The following HERC1 variants were observed in gnomAD, a reference collection of about 807,000 sequenced individuals.
HERC1 encodes the protein HECT and RLD domain containing E3 ubiquitin protein ligase family member 1.
HERC1 carries 160 observed loss-of-function variants against 554.3 expected under a neutral mutation model. The observed-to-expected ratio is 0.29, with a 90% CI of 0.25 to 0.33. The LOEUF (loss-of-function observed/expected upper bound fraction) is 0.33. Among genes scored for constraint, HERC1 ranks in the 10% least tolerant of loss-of-function variants. HERC1 has a pLI of 1.00. For missense variants in HERC1, 4,919 were observed against 5,918.5 expected (o/e 0.83, Z 5.54); for synonymous variants, 2,175 against 2,131.7 (o/e 1.02, Z -0.56).
intron 37 of HERC1, 118 bp from the exon 38 acceptor site, chr15:63,675,235 T>C: frequency 1.3e-6 from 1 of 766,510 alleles, no homozygotes; most frequent in Non-Finnish European, 2.0e-6. Context: ...GAGAATAATT[T>C]ACACAAACTA....
chr15:63,716,224 C>T (rs2073548540), intron 22 of HERC1, 78 bp downstream of exon 22: 5 of 1,327,688 alleles, frequency 3.8e-6, no homozygotes, highest in Admixed American at 2.3e-5. Context: ...AGAAACTTTG[C>T]CTTTCTCTTT....
chr15:63,821,181 G>C (rs747830803), intron 1 of HERC1, among the ~76,000 whole-genome samples: 18 of 152,080 alleles, frequency 1.2e-4, no homozygotes, highest in Non-Finnish European at 2.2e-4. Context: ...CAGCACTTTG[G>C]GAGGCTGGGG....
chr15:63,635,905 A>C, intron 65 of HERC1, 56 bp downstream of exon 65: 1 of 1,539,292 alleles, frequency 6.5e-7, no homozygotes, highest in Non-Finnish European at 8.9e-7. Flanking sequence ...TAAGAAACCT[A>C]TTCAACAACT....
chr15:63,729,192 C>T, intron 16 of HERC1, 44 bp downstream of exon 16: 2 of 1,537,770 alleles, frequency 1.3e-6, no homozygotes, highest in African/African-American at 2.8e-5. Context: ...AGTGTTCTTA[C>T]TTCTTAATGA....
intron 1 of HERC1, among the ~76,000 whole-genome samples, chr15:63,807,545 T>C (rs2077173568): frequency 6.6e-6 from 1 of 152,178 alleles, no homozygotes; most frequent in Non-Finnish European, 1.5e-5. Flanking sequence ...GACAATACTC[T>C]GCTGCTCTCC....
In HERC1 at chr15:63,656,365, G is replaced by A; in HGVS notation, c.9600-7C>T. 1.2e-6 allele frequency: 2 copies of A among 1,601,880 alleles called. No individual in the cohort carries two copies. Among genetic ancestry groups the A allele is most frequent in the Non-Finnish European group, 1.7e-6 (2 of 1,172,282 alleles). On this transcript the variant is annotated splice_polypyrimidine_tract_variant and splice_region_variant and intron_variant, in intron 48 of 77. Coordinates refer to ENST00000443617, the MANE Select transcript of HERC1 (RefSeq NM_003922.4). The stretch of plus-strand genomic sequence containing the variant: ...CAGGCTACAACTGGAACCACTGCCA[G>A]TAAAGAAAAACATCTCAGATGGATA...
At chr15:63,693,296 T>A (rs962731700) in intron 30 of HERC1, among the ~76,000 whole-genome samples, 1 of 151,106 alleles carries the variant, frequency 6.6e-6, no homozygotes, top group Admixed American at 6.6e-5. Flanking sequence ...CAGGCTAAAG[T>A]GCAGTGGTGT....
At position 63,711,761 on chromosome 15, in the gene HERC1, TTTAACA is replaced by T. The variant is rs1248840264; in HGVS notation, c.4584+1008_4584+1013del. The stretch of plus-strand genomic sequence containing the variant: ...TGATATGACCAAGATCCCACCGCTC[TTTAACA>T]GTAGAATCGAGACCAGAAGCCAAGT... On this transcript the variant is annotated intron_variant, in intron 24 of 77. Transcript: ENST00000443617. Among the ~76,000 whole-genome samples, 9 of 152,312 alleles carry T rather than the reference TTTAACA, an allele frequency of 5.9e-5. No individual in the cohort carries two copies. In the East Asian group the frequency reaches 1.7e-3, roughly 29 times the overall value.
chr15:63,752,809 CT>C, intron 8 of HERC1, 148 bp downstream of exon 8: 3 of 729,824 alleles, frequency 4.1e-6, no homozygotes, highest in Non-Finnish European at 6.3e-6. Flanking sequence ...CTCAGATACT[CT>C]ACTTCAAACA....
chr15:63,724,636 C>T (rs1010839175), intron 18 of HERC1, among the ~76,000 whole-genome samples: 1 of 152,080 alleles, frequency 6.6e-6, no homozygotes, highest in South Asian at 2.1e-4. Context: ...TATCATGTAG[C>T]CTGTCTAATC....
At chr15:63,616,797 T>C in intron 74 of HERC1, 115 bp from the exon 75 acceptor site, 2 of 903,230 alleles carry the variant, frequency 2.2e-6, no homozygotes, top group Non-Finnish European at 1.7e-6. Flanking sequence ...ATGGCATCCA[T>C]TAGCCACATA....
In HERC1 at chr15:63,718,954, T is replaced by C. The variant is rs2073688221; in HGVS notation, c.3743-57A>G. 8.4e-7 allele frequency: 1 copy of C among 1,186,762 alleles called. No homozygotes were observed. The highest frequency in any genetic ancestry group is 1.2e-6 in the Non-Finnish European group (1 of 822,106). 73.5% of individuals were successfully genotyped at this position (1,186,762 alleles called of 1,614,324 possible). A position where few individuals can be genotyped will look rare whatever the true frequency, so the allele number is the denominator to read the frequency against. Reference sequence around the variant, plus strand: ...AAGGGCTCAGAAAACAGTTCAGAGGTAATTTTTATAGCTTTAGTCATCCAA... The same window carrying C: ...AAGGGCTCAGAAAACAGTTCAGAGGCAATTTTTATAGCTTTAGTCATCCAA... On this transcript the variant is annotated intron_variant, in intron 19 of 77. Coordinates refer to ENST00000443617, the MANE Select transcript of HERC1 (RefSeq NM_003922.4). The surrounding 1 kb of genome is among the most constrained non-coding windows in gnomAD (Gnocchi z 4.2).
At chr15:63,766,363 A>C (rs1161419138) in intron 2 of HERC1, among the ~76,000 whole-genome samples, 3 of 152,006 alleles carry the variant, frequency 2.0e-5, no homozygotes, top group African/African-American at 7.2e-5. Flanking sequence ...TGAGGTGGGC[A>C]GATCACTTGA....
intron 1 of HERC1, among the ~76,000 whole-genome samples, chr15:63,826,814 A>AAAT (rs1567168622): frequency 1.3e-4 from 3 of 22,258 alleles, no homozygotes; most frequent in African/African-American, 2.6e-4. Flanking sequence ...AAAAAAAAAA[A>AAAT]ATATATATAT....
At chr15:63,706,726 TTTG>T in intron 25 of HERC1, 51 bp downstream of exon 25, 1 of 949,246 alleles carries the variant, frequency 1.1e-6, no homozygotes, top group African/African-American at 1.7e-5. Flanking sequence ...TTTTTTTTTT[TTTG>T]AGACAGGGTC....
At chr15:63,722,107 C>A (rs2073845225) in intron 19 of HERC1, among the ~76,000 whole-genome samples, 1 of 152,122 alleles carries the variant, frequency 6.6e-6, no homozygotes, top group African/African-American at 2.4e-5. Flanking sequence ...TCAAGTGATA[C>A]CTCCCACCTC....
chr15:63,735,082 C>T (rs1031063591), intron 12 of HERC1, among the ~76,000 whole-genome samples: 11 of 152,068 alleles, frequency 7.2e-5, no homozygotes, highest in African/African-American at 2.7e-4. Context: ...AGTGTTGATT[C>T]TATAGCATTC....
chr15:63,706,743 C>G, intron 25 of HERC1, 37 bp downstream of exon 25: 1 of 1,207,490 alleles, frequency 8.3e-7, no homozygotes. Flanking sequence ...CAGGGTCTCA[C>G]TAAGATATTT....
chr15:63,775,055 T>C lies in HERC1; in HGVS notation c.569A>G (p.Asn190Ser), dbSNP rs1253485133. ...PVSGPGLSLC[N>S]DVIHTAIEVV... ...TTCAATTGCAGTATGAATGACATCG[T>C]TGCAAAGACTGAGACCAGGTCCTGA... The change falls in exon 2 of 78, where the codon AAC (asparagine) becomes AGC (serine). Residue 190 changes from asparagine to serine, a missense_variant. Asn to Ser is a conservative substitution (Grantham distance 46). Around this residue, in one of 11 missense-constraint regions of HERC1, gnomAD observed 744 missense variants for 1,090.0 expected, o/e 0.68. Transcript: ENST00000443617. The surrounding 1 kb of genome is among the most constrained non-coding windows in gnomAD (Gnocchi z 4.0). 1.9e-6 allele frequency: 3 copies of C among 1,613,900 alleles called. No individual in the cohort carries two copies. The Admixed American group carries it at 5.0e-5, about 27-fold the overall frequency.
Sources: allele counts gnomAD v4.1 joint callset (sites outside exome capture counted in the v4.1 genomes callset), GRCh38; gene constraint gnomAD v4.1.1; regional missense constraint gnomAD v4.1.1; non-coding constraint Gnocchi (gnomAD v3.1); transcripts MANE v1.5; gene names NCBI Gene and HGNC (gene_info 2026-07-23, HGNC 2026-07-21).